Variants in PLEKHG3 observed in about 807,000 individuals in gnomAD.
PLEKHG3 encodes pleckstrin homology domain-containing family G member 3.
In PLEKHG3, 62 loss-of-function variants were observed where a neutral mutation model predicts 94.9. The observed-to-expected ratio is 0.65, with a 90% CI of 0.53 to 0.81. The LOEUF is 0.81. Ranked by LOEUF, PLEKHG3 falls within the 30% of genes least tolerant of loss-of-function variation. The pLI is 0.00. For synonymous variants in PLEKHG3, 614 were observed against 654.0 expected, an observed-to-expected ratio of 0.94 and a Z score of 0.93; for missense variants, 1,461 against 1,619.3, an observed-to-expected ratio of 0.90 and a Z score of 1.68.
At chr14:64,713,152 C>A (rs999379052) in intron 1 of PLEKHG3, among the ~76,000 whole-genome samples, 3 of 152,154 alleles carry the variant, frequency 2.0e-5, no homozygotes, top group Admixed American at 1.3e-4. Flanking sequence ...TGGGATAAAT[C>A]CCACTTGGTC....
At position 64,715,836 on chromosome 14, in the gene PLEKHG3, G is replaced by A. The variant is rs541370929; in HGVS notation, c.-40+11132G>A. On this transcript the variant is annotated intron_variant, in intron 1 of 16. Transcript: ENST00000247226. This position sits in a 1 kb window ranked among gnomAD's most constrained non-coding sequence, Gnocchi z 4.4. Reference sequence around the variant, plus strand: ...TGTGTCGGGAAGTTGCATTTCCTGGGCTAGGGCCCCCCAGCAATCAGGAAT... The same window carrying A: ...TGTGTCGGGAAGTTGCATTTCCTGGACTAGGGCCCCCCAGCAATCAGGAAT... 2.9e-6 allele frequency: 1 copy of A among 344,460 alleles called. No individual in the cohort carries two copies. The highest frequency in any genetic ancestry group is 9.1e-5 in the East Asian group (1 of 10,998). The allele number at this position is 344,460 out of a possible 1,614,324, so 21.3% of individuals were successfully genotyped here. A position where few individuals can be genotyped will look rare whatever the true frequency, so the allele number is the denominator to read the frequency against.
rs2081257804 is a variant in PLEKHG3 at position 64,721,292 on chromosome 14, CA to C, written c.-39-6300del. Among the ~76,000 whole-genome samples the C allele has an allele frequency of 6.6e-6, 1 of 152,114 alleles. No individual in the cohort carries two copies. Among genetic ancestry groups the C allele is most frequent in the African/African-American group, 2.4e-5 (1 of 41,426 alleles). On this transcript the variant is annotated intron_variant, in intron 1 of 16. Coordinates refer to ENST00000247226, the MANE Select transcript of PLEKHG3 (RefSeq NM_001308147.2). The surrounding 1 kb of genome is among the most constrained non-coding windows in gnomAD (Gnocchi z 4.3). ...TGGGCACATGTTGGGTAGGTGGGGACAGGGGGGTGTAGATGAACAGCCCTCC... is the reference window on the plus strand; with the variant it reads ...TGGGCACATGTTGGGTAGGTGGGGACGGGGGGTGTAGATGAACAGCCCTCC...
chr14:64,741,533 T>C lies in PLEKHG3; in HGVS notation c.2016T>C (p.Ser672=). 6.2e-7 allele frequency: 1 copy of C among 1,612,804 alleles called. No homozygotes were observed. Among genetic ancestry groups the C allele is most frequent in the Non-Finnish European group, 8.5e-7 (1 of 1,179,958 alleles). The change falls in exon 16 of 17, where the codon AGT becomes AGC. Residue 672 remains serine, a synonymous_variant. Coordinates refer to ENST00000247226, the MANE Select transcript of PLEKHG3 (RefSeq NM_001308147.2). Reference sequence around the variant, plus strand: ...AGCTCTCCCCAGAAGTGGACATCAGTGTGGGGGTGGCCACAGAGGACAGCC... The same window carrying C: ...AGCTCTCCCCAGAAGTGGACATCAGCGTGGGGGTGGCCACAGAGGACAGCC... The part of the protein sequence containing the change: ...SCQLSPEVDI[S]VGVATEDSPS...
Position 64,726,559 on chromosome 14 carries a change from G to A in PLEKHG3, c.-39-1034G>A, listed in dbSNP as rs1050774662. Reference sequence around the variant, plus strand: ...TGGCCACTCCACCCTTCCATCCCCCGGCTGCTCCAGGTGGGCCTGCCTGTG... The same window carrying A: ...TGGCCACTCCACCCTTCCATCCCCCAGCTGCTCCAGGTGGGCCTGCCTGTG... On this transcript the variant is annotated intron_variant, in intron 1 of 16. Coordinates refer to ENST00000247226, the MANE Select transcript of PLEKHG3 (RefSeq NM_001308147.2). This position sits in a 1 kb window ranked among gnomAD's most constrained non-coding sequence, Gnocchi z 5.1. 1.3e-5 allele frequency among the ~76,000 whole-genome samples: 2 copies of A among 152,050 alleles called. No individual in the cohort carries two copies. The highest frequency in any genetic ancestry group is 2.4e-5 in the African/African-American group (1 of 41,366).
rs768288943 is a variant in PLEKHG3 at position 64,741,175 on chromosome 14, G to A, written c.1658G>A (p.Gly553Glu). ...CTTGATGCCCACCAGGGCCTTCTGG[G>A]GATGGACCCCCCAGGTGACATGGTG... ...TQLDAHQGLL[G>E]MDPPGDMVDF... Residue 553 changes from glycine (G) to glutamate (E), a missense_variant, in exon 16 of 17, where the codon GGG becomes GAG. Gly to Glu is a moderately conservative substitution (Grantham distance 98, BLOSUM62 -2). Around this residue, in one of 3 missense-constraint regions of PLEKHG3, gnomAD observed 1,201 missense variants for 1,295.5 expected, o/e 0.93. Transcript: ENST00000247226. 2 of 1,614,136 alleles carry A rather than the reference G, an allele frequency of 1.2e-6. No individual in the cohort carries two copies. Among genetic ancestry groups the A allele is most frequent in the Non-Finnish European group, 1.7e-6 (2 of 1,180,016 alleles).
In PLEKHG3 at chr14:64,742,186, A is replaced by G. The variant is rs201310083; in HGVS notation, c.2669A>G (p.Glu890Gly). The change falls in exon 16 of 17, where the codon GAG becomes GGG. Residue 890 changes from glutamate to glycine, a missense_variant. Coordinates refer to ENST00000247226, the MANE Select transcript of PLEKHG3 (RefSeq NM_001308147.2). The stretch of plus-strand genomic sequence containing the variant: ...CGGGAGCTGAAAGAGCTGGTGAAGG[A>G]GCTGAGCAGCAGTACCCAGGGGGAG... ...LARELKELVK[E>G]LSSSTQGELV... is the part of the protein sequence containing the mutation. 4.3e-6 allele frequency: 7 copies of G among 1,612,884 alleles called. No homozygotes were observed. In the East Asian group the frequency reaches 1.1e-4, roughly 26 times the overall value.
At chr14:64,708,517 C>T (rs887682078) in intron 1 of PLEKHG3, among the ~76,000 whole-genome samples, 6 of 152,148 alleles carry the variant, frequency 3.9e-5, no homozygotes, top group Admixed American at 1.3e-4. Context: ...CGAGATGGCT[C>T]GGAAGACTTT....
At chr14:64,708,529 A>T (rs2081010631) in intron 1 of PLEKHG3, among the ~76,000 whole-genome samples, 1 of 152,122 alleles carries the variant, frequency 6.6e-6, no homozygotes, top group South Asian at 2.1e-4. Flanking sequence ...GAAGACTTTG[A>T]ATAAGGGTTC....
chr14:64,743,614 G>C lies in PLEKHG3; in HGVS notation c.3571G>C (p.Glu1191Gln). Residue 1191 changes from glutamate to glutamine, a missense_variant, in exon 17 of 17, where the codon GAG (glutamate) becomes CAG (glutamine). Transcript: ENST00000247226. This position sits in a 1 kb window ranked among gnomAD's most constrained non-coding sequence, Gnocchi z 7.2. ...QQSAECQPKEEGSRDPADPSQ... is the reference protein window; with the variant it reads ...QQSAECQPKEQGSRDPADPSQ... ...GTCTGCAGAGTGCCAGCCGAAGGAAGAGGGTTCCAGGGACCCGGCAGACCC... is the reference window on the plus strand; with the variant it reads ...GTCTGCAGAGTGCCAGCCGAAGGAACAGGGTTCCAGGGACCCGGCAGACCC... 1 of 1,612,790 alleles carries C rather than the reference G, an allele frequency of 6.2e-7. No individual in the cohort carries two copies. The highest frequency in any genetic ancestry group is 1.1e-5 in the South Asian group (1 of 91,076).
At position 64,748,965 on chromosome 14, in the gene PLEKHG3, A is replaced by C; in HGVS notation, c.*5262A>C. The stretch of plus-strand genomic sequence containing the variant: ...TTTTTTTTTTTTTTTGGTTGGGGGT[A>C]AGGGGCCTGTGCCCCCTCGGCTCAG... On this transcript the variant is annotated 3_prime_UTR_variant, in exon 17 of 17. Coordinates refer to ENST00000247226, the MANE Select transcript of PLEKHG3 (RefSeq NM_001308147.2). 1 of 194,402 alleles carries C rather than the reference A, an allele frequency of 5.1e-6. No individual in the cohort carries two copies. Among genetic ancestry groups the C allele is most frequent in the Non-Finnish European group, 1.0e-5 (1 of 98,136 alleles). 12.0% of individuals were successfully genotyped at this position (194,402 alleles called of 1,614,324 possible).
chr14:64,737,372 GAAGGTA>G lies in PLEKHG3; in HGVS notation c.1404+2_1404+7del. 6.3e-7 allele frequency: 1 copy of G among 1,598,394 alleles called. No homozygotes were observed. The highest frequency in any genetic ancestry group is 8.5e-7 in the Non-Finnish European group (1 of 1,172,706). ...TGTCTGCAGCCCGAGCAGCAGGAAT[GAAGGTA>G]AAGGCCAGTGGGAGGAGGGGACTGG... On this transcript the variant is annotated splice_donor_variant and splice_donor_region_variant and coding_sequence_variant and intron_variant, in exon 14 of 17. Transcript: ENST00000247226. LOFTEE classifies it high-confidence loss of function.
chr14:64,738,786 G>A lies in PLEKHG3; in HGVS notation c.1449G>A (p.Arg483=), dbSNP rs759186678. ...RESESSRSSR[R]PSGRSPTSTE... is the part of the protein sequence containing the mutation. ...CTGAAAGCTCCAGGAGCAGCAGAAG[G>A]CCCAGTGGCCGGTCTCCAACCAGTA... Residue 483 remains arginine (R), a synonymous_variant, in exon 15 of 17, where the codon AGG becomes AGA. Coordinates refer to ENST00000247226, the MANE Select transcript of PLEKHG3 (RefSeq NM_001308147.2). This position sits in a 1 kb window ranked among gnomAD's most constrained non-coding sequence, Gnocchi z 4.8. 2.5e-6 allele frequency: 4 copies of A among 1,600,150 alleles called. No homozygotes were observed. The highest frequency in any genetic ancestry group is 2.7e-5 in the African/African-American group (2 of 74,610).
At chr14:64,734,972 C>T (rs991721931) in intron 12 of PLEKHG3, among the ~76,000 whole-genome samples, 13 of 152,090 alleles carry the variant, frequency 8.5e-5, no homozygotes, top group Admixed American at 1.3e-4. Flanking sequence ...GTGATCCACC[C>T]GCCTCGGCCT....
In PLEKHG3 at chr14:64,742,314, T is replaced by C. The variant is rs1038814006; in HGVS notation, c.2797T>C (p.Tyr933His). The C allele has an allele frequency of 3.1e-6, 5 of 1,612,960 alleles. No individual in the cohort carries two copies. The highest frequency in any genetic ancestry group is 4.2e-6 in the Non-Finnish European group (5 of 1,180,010). Residue 933 changes from tyrosine to histidine, a missense_variant, in exon 16 of 17, where the codon TAC becomes CAC. Transcript: ENST00000247226. ...KNKVYQLARQ[Y>H]SLRIKSNKPV... Reference sequence around the variant, plus strand: ...CAAGGTCTACCAGCTGGCCCGCCAGTACAGCCTCCGGATCAAGAGCAACAA... The same window carrying C: ...CAAGGTCTACCAGCTGGCCCGCCAGCACAGCCTCCGGATCAAGAGCAACAA...
At position 64,715,370 on chromosome 14, in the gene PLEKHG3, C is replaced by T. The variant is rs750549282; in HGVS notation, c.-40+10666C>T. On this transcript the variant is annotated intron_variant, in intron 1 of 16. Transcript: ENST00000247226. The surrounding 1 kb of genome is among the most constrained non-coding windows in gnomAD (Gnocchi z 4.4). Reference sequence around the variant, plus strand: ...CCAGCAAACCCTGGCTCCTCTACTTCCCTGACTGTATGGCCCTGGGTACCA... The same window carrying T: ...CCAGCAAACCCTGGCTCCTCTACTTTCCTGACTGTATGGCCCTGGGTACCA... Among the ~76,000 whole-genome samples the T allele has an allele frequency of 2.0e-5, 3 of 152,182 alleles. No individual in the cohort carries two copies. The highest frequency in any genetic ancestry group is 4.4e-5 in the Non-Finnish European group (3 of 68,030).
In PLEKHG3 at chr14:64,731,343, G is replaced by A. The variant is rs748092876; in HGVS notation, c.850-18G>A. The A allele has an allele frequency of 6.2e-7, 1 of 1,608,924 alleles. No homozygotes were observed. The highest frequency in any genetic ancestry group is 1.1e-5 in the South Asian group (1 of 90,962). ...CCCCAGTGGCCTGACTCTAGGGATTGGGGCCCCTCTGCTGCAGGAGATTCA... is the reference window on the plus strand; with the variant it reads ...CCCCAGTGGCCTGACTCTAGGGATTAGGGCCCCTCTGCTGCAGGAGATTCA... On this transcript the variant is annotated intron_variant, in intron 7 of 16. Transcript: ENST00000247226. This position sits in a 1 kb window ranked among gnomAD's most constrained non-coding sequence, Gnocchi z 6.1.
At position 64,720,691 on chromosome 14, in the gene PLEKHG3, C is replaced by G. The variant is rs931653297; in HGVS notation, c.-39-6902C>G. On this transcript the variant is annotated intron_variant, in intron 1 of 16. Coordinates refer to ENST00000247226, the MANE Select transcript of PLEKHG3 (RefSeq NM_001308147.2). The surrounding 1 kb of genome is among the most constrained non-coding windows in gnomAD (Gnocchi z 4.1). ...TATTACTTCCCTATTGCCACTGTAA[C>G]AAATTCTGCAATCTTAGTGGCTTAA... 1.3e-5 allele frequency among the ~76,000 whole-genome samples: 2 copies of G among 152,206 alleles called. No homozygotes were observed. The highest frequency in any genetic ancestry group is 4.8e-5 in the African/African-American group (2 of 41,446).
At chr14:64,711,319 A>C (rs1336269696) in intron 1 of PLEKHG3, among the ~76,000 whole-genome samples, 1 of 152,184 alleles carries the variant, frequency 6.6e-6, no homozygotes, top group East Asian at 1.9e-4. Context: ...GTTACAGTAG[A>C]GCCTGGATGA....
rs1354663466 is a variant in PLEKHG3 at position 64,738,810 on chromosome 14, T to G, written c.1473T>G (p.Ser491Arg). ...SRRPSGRSPTSTEKRMSFESI... is the reference protein window; with the variant it reads ...SRRPSGRSPTRTEKRMSFESI... ...GGCCCAGTGGCCGGTCTCCAACCAGTACTGAGAAGCGCATGAGCTTCGAGT... is the reference window on the plus strand; with the variant it reads ...GGCCCAGTGGCCGGTCTCCAACCAGGACTGAGAAGCGCATGAGCTTCGAGT... The change falls in exon 15 of 17, where the codon AGT becomes AGG. Residue 491 changes from serine (S) to arginine (R), a missense_variant. Physicochemically the swap from Ser to Arg is moderately radical, Grantham distance 110. Transcript: ENST00000247226. The surrounding 1 kb of genome is among the most constrained non-coding windows in gnomAD (Gnocchi z 4.8). 1 of 1,599,764 alleles carries G rather than the reference T, an allele frequency of 6.3e-7. No individual in the cohort carries two copies. The highest frequency in any genetic ancestry group is 8.5e-7 in the Non-Finnish European group (1 of 1,172,736).
Sources: allele counts gnomAD v4.1 joint callset (sites outside exome capture counted in the v4.1 genomes callset), GRCh38; gene constraint gnomAD v4.1.1; regional missense constraint gnomAD v4.1.1; non-coding constraint Gnocchi (gnomAD v3.1); transcripts MANE v1.5; gene names NCBI Gene and HGNC (gene_info 2026-07-23, HGNC 2026-07-21).